Variants in ZNF91 observed in about 807,000 individuals in gnomAD.
ZNF91 encodes the protein zinc finger protein 91 (HPF7, HTF10).
In ZNF91, 7 loss-of-function variants were observed where a neutral mutation model predicts 12.6. The observed-to-expected ratio is 0.55, with a 90% CI of 0.31 to 1.04. ZNF91 has a LOEUF of 1.04. ZNF91 is among the 50% of genes least tolerant of loss of function. The pLI is 0.05. For missense variants in ZNF91, 1,217 were observed against 1,385.4 expected, an observed-to-expected ratio of 0.88 and a Z score of 1.93; for synonymous variants, 453 against 462.6, an observed-to-expected ratio of 0.98 and a Z score of 0.27.
At chr19:23,388,123 G>A (rs1046681278) in intron 1 of ZNF91, among the ~76,000 whole-genome samples, 4 of 151,964 alleles carry the variant, frequency 2.6e-5, no homozygotes, top group African/African-American at 9.7e-5. Flanking sequence ...GCGCACACCT[G>A]TAATCACAGC....
chr19:23,347,518 A>T (rs1464571761), intron 3 of ZNF91, among the ~76,000 whole-genome samples: 1 of 151,826 alleles, frequency 6.6e-6, no homozygotes, highest in African/African-American at 2.4e-5. Context: ...TCTCCTCTTT[A>T]CTCTCCAGAA....
chr19:23,333,412 T>C (rs1967957564), intron 1 of ZNF91, among the ~76,000 whole-genome samples: 1 of 152,254 alleles, frequency 6.6e-6, no homozygotes, highest in South Asian at 2.1e-4. Flanking sequence ...ACTACTCATC[T>C]AATCTAAAGA....
At chr19:23,391,109 T>C (rs1467317183) in intron 1 of ZNF91, among the ~76,000 whole-genome samples, 2 of 152,206 alleles carry the variant, frequency 1.3e-5, no homozygotes, top group Non-Finnish European at 2.9e-5. Flanking sequence ...TGAATTAATG[T>C]ACACTGTTAA....
At chr19:23,305,464 A>G (rs950444889) in intron 3 of ZNF91, among the ~76,000 whole-genome samples, 4 of 152,166 alleles carry the variant, frequency 2.6e-5, no homozygotes, top group Non-Finnish European at 5.9e-5. Flanking sequence ...GGTAAATCCA[A>G]TCAGTCAGTT....
In ZNF91 at chr19:23,343,487, G is replaced by T. The variant is rs539738455; in HGVS notation, c.254-4433C>A. ...AGATATAAACAAGAGAAACTATTAA[G>T]ATAAGGGATGTAAGAAAAATGGATG... On this transcript the variant is annotated intron_variant, in intron 3 of 3. Transcript: ENST00000599743. Among the ~76,000 whole-genome samples the T allele has an allele frequency of 2.6e-5, 4 of 152,326 alleles. No homozygotes were observed. In the South Asian group the frequency reaches 8.3e-4, roughly 32 times the overall value.
intron 3 of ZNF91, among the ~76,000 whole-genome samples, chr19:23,364,224 C>T (rs1189344766): frequency 6.6e-6 from 1 of 152,074 alleles, no homozygotes; most frequent in Non-Finnish European, 1.5e-5. Flanking sequence ...GAGGCTAAGG[C>T]AGATTATGAG....
downstream of ZNF91, among the ~76,000 whole-genome samples, chr19:23,337,388 A>T (rs1325792414): frequency 1.3e-5 from 2 of 151,864 alleles, no homozygotes; most frequent in East Asian, 3.9e-4. Flanking sequence ...ATACTGAAGA[A>T]ACTCATACAG....
intron 1 of ZNF91, among the ~76,000 whole-genome samples, chr19:23,332,989 G>C (rs1173800240): frequency 3.3e-5 from 5 of 152,178 alleles, no homozygotes; most frequent in Admixed American, 3.3e-4. Context: ...AAAAGAGGTG[G>C]TCTTTCACAT....
In ZNF91 at chr19:23,362,563, T is replaced by G; in HGVS notation, c.416A>C (p.Tyr139Ser). The change falls in exon 4 of 4, where the codon TAT (tyrosine) becomes TCT (serine). Residue 139 changes from tyrosine to serine, a missense_variant. Tyr to Ser is a moderately radical substitution (Grantham distance 144). Transcript: ENST00000300619. Reference sequence around the variant, plus strand: ...TGTGAGACACTGGTTAAGTTTATTATAACCTTCTTTGTGCACCTTACACTC... The same window carrying G: ...TGTGAGACACTGGTTAAGTTTATTAGAACCTTCTTTGTGCACCTTACACTC... ...VDECKVHKEG[Y>S]NKLNQCLTTA... The G allele has an allele frequency of 6.2e-7, 1 of 1,602,228 alleles. No individual in the cohort carries two copies.
intron 3 of ZNF91, among the ~76,000 whole-genome samples, chr19:23,370,779 T>A (rs1969245462): frequency 6.6e-6 from 1 of 152,176 alleles, no homozygotes; most frequent in South Asian, 2.1e-4. Context: ...ATCCTGGTCT[T>A]ACAGAAGTGA....
intron 1 of ZNF91, among the ~76,000 whole-genome samples, chr19:23,387,030 T>G (rs1406736784): frequency 2.0e-5 from 3 of 152,174 alleles, no homozygotes; most frequent in African/African-American, 7.2e-5. Flanking sequence ...AGACAAACAT[T>G]TGGCTAACAA....
intron 3 of ZNF91, among the ~76,000 whole-genome samples, chr19:23,366,244 G>A (rs936032696): frequency 2.6e-5 from 4 of 151,996 alleles, no homozygotes; most frequent in African/African-American, 7.2e-5. Context: ...CGGGCGGGGG[G>A]CTGACCCCCA....
chr19:23,305,962 A>C (rs1435141521), intron 3 of ZNF91, among the ~76,000 whole-genome samples: 1 of 152,244 alleles, frequency 6.6e-6, no homozygotes, highest in African/African-American at 2.4e-5. Flanking sequence ...GAGAAGAGAA[A>C]TAATTCTACA....
chr19:23,350,606 AG>A (rs1968338484), intron 3 of ZNF91, among the ~76,000 whole-genome samples: 1 of 152,156 alleles, frequency 6.6e-6, no homozygotes, highest in Non-Finnish European at 1.5e-5. Context: ...CCAAATAGAC[AG>A]GAATGAAAGA....
chr19:23,377,887 T>C (rs1322049039), intron 1 of ZNF91, among the ~76,000 whole-genome samples: 1 of 152,248 alleles, frequency 6.6e-6, no homozygotes, highest in Admixed American at 6.5e-5. Context: ...TGTGAGTTGA[T>C]ACTAAGTGTT....
rs1969823764 is a variant in ZNF91, at chr19:23,384,826, T to A, written c.31-10062A>T. The A allele has an allele frequency of 9.9e-6, 7 of 705,508 alleles. No individual in the cohort carries two copies. The South Asian group carries it at 1.1e-4, about 11-fold the overall frequency. The allele number at this position is 705,508 out of a possible 1,614,324, so 43.7% of individuals were successfully genotyped here. A position where few individuals can be genotyped will look rare whatever the true frequency, so the allele number is the denominator to read the frequency against. ...AGACTCTGTGTTCACAGAAACACCC[T>A]CCTCAGTGGTCAAAAATACCATCTC... On this transcript the variant is annotated intron_variant, in intron 1 of 3. Coordinates refer to ENST00000300619, the MANE Select transcript of ZNF91 (RefSeq NM_003430.4).
Position 23,358,036 on chromosome 19 carries a change from T to C in ZNF91, c.*1367A>G, listed in dbSNP as rs1473589801. ...TAACTTAATGGCAATTAAAACTCAC[T>C]GGCAAAAAAAATCACTAGAGATGTC... On this transcript the variant is annotated 3_prime_UTR_variant, in exon 4 of 4. Transcript: ENST00000300619. The C allele has an allele frequency of 1.3e-5, 2 of 152,052 alleles. No individual in the cohort carries two copies. The highest frequency in any genetic ancestry group is 4.8e-5 in the African/African-American group (2 of 41,422). 9.4% of individuals were successfully genotyped at this position (152,052 alleles called of 1,614,324 possible).
intron 1 of ZNF91, chr19:23,385,345 C>T (rs1484103843): frequency 2.6e-6 from 1 of 386,158 alleles, no homozygotes; most frequent in Non-Finnish European, 4.6e-6. Flanking sequence ...ACAAACTAAA[C>T]TAACTGCAGT....
Position 23,357,760 on chromosome 19 carries a change from C to T in ZNF91, c.*1643G>A, listed in dbSNP as rs528567045. 3.9e-5 allele frequency: 6 copies of T among 152,144 alleles called. No homozygotes were observed. The highest frequency in any genetic ancestry group is 6.8e-3 in the Middle Eastern group (2 of 294). 9.4% of individuals were successfully genotyped at this position (152,144 alleles called of 1,614,324 possible). ...ACCATAAAAATAATCCTGTAGTCAACAACAATTTAATTGTACATTTAAAAA... is the reference window on the plus strand; with the variant it reads ...ACCATAAAAATAATCCTGTAGTCAATAACAATTTAATTGTACATTTAAAAA... On this transcript the variant is annotated 3_prime_UTR_variant, in exon 4 of 4. Coordinates refer to ENST00000300619, the MANE Select transcript of ZNF91 (RefSeq NM_003430.4).
Sources: gnomAD v4.1 joint callset for allele counts (sites outside exome capture counted in the v4.1 genomes callset) on GRCh38, gnomAD v4.1.1 for gene constraint, MANE v1.5 for transcripts, NCBI Gene and HGNC (gene_info 2026-07-23, HGNC 2026-07-21) for gene names.